Variants in CUX2 observed in about 807,000 individuals in gnomAD.
CUX2 encodes the protein homeobox protein cut-like 2.
A neutral mutation model predicts 144.8 loss-of-function variants in CUX2; 40 were observed. The ratio of observed to expected loss-of-function variants is 0.28; its 90% CI spans 0.21 to 0.36. CUX2 has a LOEUF of 0.36. Ranked by LOEUF, CUX2 falls within the 10% of genes least tolerant of loss-of-function variation. CUX2 has a pLI of 1.00. For missense variants in CUX2, 1,615 were observed against 1,994.0 expected, an observed-to-expected ratio of 0.81 and a Z score of 3.62; for synonymous variants, 827 against 875.6, an observed-to-expected ratio of 0.94 and a Z score of 0.98.
In CUX2 at chr12:111,186,218, A is replaced by C. The variant is rs559192618; in HGVS notation, c.64-27982A>C. On this transcript the variant is annotated intron_variant, in intron 1 of 21. Transcript: ENST00000261726. This position sits in a 1 kb window ranked among gnomAD's most constrained non-coding sequence, Gnocchi z 4.4. ...CTCTCCTTTCCCACATCAGCTATCT[A>C]AGGGCTGCCTTAGTTGTCACTGTGG... is the stretch of plus-strand genomic sequence containing the variant. Among the ~76,000 whole-genome samples the C allele has an allele frequency of 1.3e-5, 2 of 151,944 alleles. No individual in the cohort carries two copies. The highest frequency in any genetic ancestry group is 4.8e-5 in the African/African-American group (2 of 41,402).
At chr12:111,080,267 G>T (rs1016213825) in intron 1 of CUX2, among the ~76,000 whole-genome samples, 1 of 151,842 alleles carries the variant, frequency 6.6e-6, no homozygotes. Flanking sequence ...ACCTACACAC[G>T]CAGCCCTCAC....
chr12:111,157,821 G>T (rs565855518), intron 1 of CUX2, among the ~76,000 whole-genome samples: 1 of 152,326 alleles, frequency 6.6e-6, no homozygotes, highest in East Asian at 1.9e-4. Context: ...GTAGTGTATA[G>T]CTTTAGCAAC....
At chr12:111,174,013 G>A (rs1388453144) in intron 1 of CUX2, among the ~76,000 whole-genome samples, 3 of 152,220 alleles carry the variant, frequency 2.0e-5, no homozygotes, top group East Asian at 1.9e-4. Flanking sequence ...GGGCCAGAGG[G>A]TGGAGCAAAG....
In CUX2 at chr12:111,291,405, T is replaced by C; in HGVS notation, c.302-13T>C. On this transcript the variant is annotated splice_polypyrimidine_tract_variant and intron_variant, in intron 4 of 21. Transcript: ENST00000261726. ...CAGGCCCTCACTATCCCTGTCTTTC[T>C]CTCCCTGCACAGACCCCGTGCCTGT... The C allele has an allele frequency of 6.3e-7, 1 of 1,588,046 alleles. No homozygotes were observed. The highest frequency in any genetic ancestry group is 8.6e-7 in the Non-Finnish European group (1 of 1,167,666).
At chr12:111,231,816 A>G (rs1008030662) in intron 3 of CUX2, among the ~76,000 whole-genome samples, 3 of 152,194 alleles carry the variant, frequency 2.0e-5, no homozygotes, top group Non-Finnish European at 2.9e-5. Flanking sequence ...GATTTAAAGT[A>G]TACAGGAGGG....
At chr12:111,247,276 C>A (rs1238010262) in intron 3 of CUX2, among the ~76,000 whole-genome samples, 1 of 152,132 alleles carries the variant, frequency 6.6e-6, no homozygotes, top group East Asian at 1.9e-4. Flanking sequence ...GCATGCATGC[C>A]CGGCTGAGGC....
intron 18 of CUX2, among the ~76,000 whole-genome samples, chr12:111,331,024 G>A (rs1181009483): frequency 6.6e-6 from 1 of 151,694 alleles, no homozygotes; most frequent in East Asian, 2.0e-4. Flanking sequence ...AGGATGGCAA[G>A]ACCAGCCTGA....
At chr12:111,119,373 G>A (rs1181255081) in intron 1 of CUX2, among the ~76,000 whole-genome samples, 2 of 152,104 alleles carry the variant, frequency 1.3e-5, no homozygotes, top group African/African-American at 4.8e-5. Flanking sequence ...GTAGGCTGAG[G>A]TGGGTGGATC....
rs550808516 is a variant in CUX2, at chr12:111,092,366, G to A, written c.63+58126G>A. On this transcript the variant is annotated intron_variant, in intron 1 of 21. Coordinates refer to ENST00000261726, the MANE Select transcript of CUX2 (RefSeq NM_015267.4). ...AGGAGGAGCAGAGTCTTCTGAGCAGGCTGAGCTGAGGTCTAGGCTATTGGC... is the reference window on the plus strand; with the variant it reads ...AGGAGGAGCAGAGTCTTCTGAGCAGACTGAGCTGAGGTCTAGGCTATTGGC... Among the ~76,000 whole-genome samples, 51 of 152,340 alleles carry A rather than the reference G, an allele frequency of 3.3e-4. 1 individual carries two copies. In the South Asian group the frequency reaches 5.2e-3, roughly 15 times the overall value.
rs761814904 is a variant in CUX2, at chr12:111,204,369, C to T, written c.64-9831C>T. On this transcript the variant is annotated intron_variant, in intron 1 of 21. Coordinates refer to ENST00000261726, the MANE Select transcript of CUX2 (RefSeq NM_015267.4). The stretch of plus-strand genomic sequence containing the variant: ...CCCATGTAACCACATGCTCCATGTG[C>T]GCAGGACCTGGGTCTGTCTTGTCCC... Among the ~76,000 whole-genome samples, 17 of 152,196 alleles carry T rather than the reference C, an allele frequency of 1.1e-4. No individual in the cohort carries two copies. The South Asian group carries it at 1.9e-3, about 17-fold the overall frequency.
At chr12:111,334,345 T>C (rs1001968203) in intron 18 of CUX2, 96 bp from the exon 19 acceptor site, 2 of 1,376,410 alleles carry the variant, frequency 1.5e-6, no homozygotes, top group Non-Finnish European at 2.0e-6. Context: ...AAAATGGGTG[T>C]TTGGCAACTC....
chr12:111,201,641 G>A (rs372236233), intron 1 of CUX2, among the ~76,000 whole-genome samples: 13 of 152,132 alleles, frequency 8.5e-5, no homozygotes, highest in East Asian at 5.8e-4. Context: ...TACAGTGGGC[G>A]CTTAATAAAT....
chr12:111,347,764 G>A lies in CUX2; in HGVS notation c.3900G>A (p.Gln1300=), dbSNP rs1167384955. The change falls in exon 22 of 22, where the codon CAG becomes CAA. Residue 1300 remains glutamine (Q), a synonymous_variant. Transcript: ENST00000261726. Reference sequence around the variant, plus strand: ...ACAAGGCCCAAGTGAGGATCAAGCAGGAACAGATGGAGGAGGATGCTGAGG... The same window carrying A: ...ACAAGGCCCAAGTGAGGATCAAGCAAGAACAGATGGAGGAGGATGCTGAGG... ...TQDKAQVRIK[Q]EQMEEDAEEE... 6.2e-7 allele frequency: 1 copy of A among 1,613,808 alleles called. No homozygotes were observed. Among genetic ancestry groups the A allele is most frequent in the South Asian group, 1.1e-5 (1 of 91,052 alleles).
At chr12:111,278,137 C>T (rs1351548496) in intron 4 of CUX2, among the ~76,000 whole-genome samples, 1 of 152,204 alleles carries the variant, frequency 6.6e-6, no homozygotes, top group Non-Finnish European at 1.5e-5. Flanking sequence ...CACTCACGGG[C>T]AGGACGTGGT....
chr12:111,099,460 T>C, intron 1 of CUX2: 1 of 429,046 alleles, frequency 2.3e-6, no homozygotes, highest in South Asian at 1.6e-5. Context: ...GAAAGCCAGG[T>C]TGGGTCACTG....
At chr12:111,137,310 G>C (rs1442777570) in intron 1 of CUX2, among the ~76,000 whole-genome samples, 1 of 152,186 alleles carries the variant, frequency 6.6e-6, no homozygotes, top group Non-Finnish European at 1.5e-5. Flanking sequence ...GAGAAGTATT[G>C]ACCAAGTTGG....
intron 1 of CUX2, among the ~76,000 whole-genome samples, chr12:111,205,796 G>T (rs1360836882): frequency 6.6e-6 from 1 of 152,140 alleles, no homozygotes; most frequent in Non-Finnish European, 1.5e-5. Flanking sequence ...CCAGGTCAGT[G>T]GTCTGTGAAC....
chr12:111,236,279 T>C (rs895738993), intron 3 of CUX2, among the ~76,000 whole-genome samples: 5 of 152,174 alleles, frequency 3.3e-5, no homozygotes, highest in Non-Finnish European at 7.4e-5. Flanking sequence ...AGACCAAGAA[T>C]ACTGTTCCTA....
At chr12:111,167,902 C>T (rs1214388280) in intron 1 of CUX2, among the ~76,000 whole-genome samples, 1 of 152,104 alleles carries the variant, frequency 6.6e-6, no homozygotes, top group African/African-American at 2.4e-5. Flanking sequence ...CCATGTTGGC[C>T]AGGCTGGTCT....
Sources: gnomAD v4.1 joint callset for allele counts (sites outside exome capture counted in the v4.1 genomes callset) on GRCh38, gnomAD v4.1.1 for gene constraint, Gnocchi (gnomAD v3.1) non-coding constraint, MANE v1.5 for transcripts, NCBI Gene and HGNC (gene_info 2026-07-23, HGNC 2026-07-21) for gene names.